Variants in U2SURP observed in about 807,000 individuals in gnomAD.
U2SURP encodes U2 snRNP-associated SURP motif-containing protein.
U2SURP carries 9 observed loss-of-function variants against 144.9 expected under a neutral mutation model. The observed-to-expected ratio is 0.06, with a 90% CI of 0.04 to 0.11. U2SURP has a LOEUF of 0.11. Ranked by LOEUF, U2SURP falls within the 10% of genes least tolerant of loss-of-function variation. U2SURP has a pLI of 1.00. For missense variants in U2SURP, 724 were observed against 1,226.7 expected (o/e 0.59, Z 6.12); for synonymous variants, 408 against 396.8 (o/e 1.03, Z -0.33).
intron 22 of U2SURP, among the ~76,000 whole-genome samples, 183 bp from the exon 23 acceptor site, chr3:143,038,711 T>C (rs1187944534): frequency 6.6e-6 from 1 of 152,026 alleles, no homozygotes; most frequent in East Asian, 1.9e-4. Flanking sequence ...ATTTGAATTA[T>C]ATTGTAGGTG....
At chr3:143,045,550 T>C (rs1934389578) in intron 24 of U2SURP, among the ~76,000 whole-genome samples, 1 of 152,228 alleles carries the variant, frequency 6.6e-6, no homozygotes, top group South Asian at 2.1e-4. Flanking sequence ...GGAAAGCATG[T>C]AATTTAGCTT....
chr3:143,011,174 G>A (rs1312048735), intron 2 of U2SURP, among the ~76,000 whole-genome samples: 3 of 151,976 alleles, frequency 2.0e-5, no homozygotes, highest in African/African-American at 4.8e-5. Context: ...CTTTCTCACC[G>A]CACAAAACAT....
At chr3:143,018,157 C>T (rs1196216809) in intron 6 of U2SURP, among the ~76,000 whole-genome samples, 1 of 152,112 alleles carries the variant, frequency 6.6e-6, no homozygotes, top group East Asian at 1.9e-4. Context: ...ATATTTTTAT[C>T]ACCCTAAAAA....
chr3:143,010,871 AGGCAATCTTT>A lies in U2SURP; in HGVS notation c.90+14_90+23del, dbSNP rs771388311. The A allele has an allele frequency of 6.3e-7, 1 of 1,598,698 alleles. No homozygotes were observed. The highest frequency in any genetic ancestry group is 1.3e-5 in the African/African-American group (1 of 74,720). ...CTTCAGATGCACATGTGAGTATAGAAGGCAATCTTTGTCTTTTTTCCTTTAAAATTTAACT... is the reference window on the plus strand; with the variant it reads ...CTTCAGATGCACATGTGAGTATAGAAGTCTTTTTTCCTTTAAAATTTAACT... On this transcript the variant is annotated intron_variant, in intron 2 of 27. Coordinates refer to ENST00000473835, the MANE Select transcript of U2SURP (RefSeq NM_001080415.2).
At chr3:143,013,098 T>TTG (rs1286631415) in intron 3 of U2SURP, among the ~76,000 whole-genome samples, 1 of 152,116 alleles carries the variant, frequency 6.6e-6, no homozygotes, top group Admixed American at 6.5e-5. Context: ...TTTTAAATGA[T>TTG]TGCTTATATT....
chr3:143,031,809 C>G (rs978905854), intron 16 of U2SURP, among the ~76,000 whole-genome samples: 1 of 152,176 alleles, frequency 6.6e-6, no homozygotes. Context: ...TGCATTGATT[C>G]ATTGCCTATG....
chr3:143,004,573 ACCCCC>A lies in U2SURP; in HGVS notation c.45+2908_45+2912del, dbSNP rs753834748. ...CATCTGTTGGCCTCTTGACCTTGTGACCCCCCCCCCCCGCCTCGGCCTCCCAAAGT... is the reference window on the plus strand; with the variant it reads ...CATCTGTTGGCCTCTTGACCTTGTGACCCCCCCGCCTCGGCCTCCCAAAGT... On this transcript the variant is annotated intron_variant, in intron 1 of 27. Transcript: ENST00000473835. Among the ~76,000 whole-genome samples, 40 of 48,568 alleles carry A rather than the reference ACCCCC, an allele frequency of 8.2e-4. 3 individuals carry two copies. Among genetic ancestry groups the A allele is most frequent in the Admixed American group, 1.3e-3 (5 of 3,896 alleles). 31.9% of individuals were successfully genotyped at this position (48,568 alleles called of 152,430 possible).
intron 23 of U2SURP, among the ~76,000 whole-genome samples, chr3:143,040,838 T>G (rs536506307): frequency 1.3e-5 from 2 of 151,948 alleles, no homozygotes; most frequent in East Asian, 1.9e-4. Context: ...TGGTTAAATG[T>G]TTAATGTTCA....
rs1195787141 is a variant in U2SURP at position 143,057,227 on chromosome 3, A to G, written c.*777A>G. ...TTAGGGGGAAATTAAATATCTTTTC[A>G]TTTCCTCTTCTATTATGAAAGAAGT... On this transcript the variant is annotated 3_prime_UTR_variant, in exon 28 of 28. Transcript: ENST00000473835. 2 of 152,404 alleles carry G rather than the reference A, an allele frequency of 1.3e-5. No homozygotes were observed. The highest frequency in any genetic ancestry group is 2.9e-5 in the Non-Finnish European group (2 of 67,874). 9.4% of individuals were successfully genotyped at this position (152,404 alleles called of 1,614,324 possible). A position where few individuals can be genotyped will look rare whatever the true frequency, so the allele number is the denominator to read the frequency against.
At chr3:143,035,557 T>C (rs534769898) in intron 19 of U2SURP, among the ~76,000 whole-genome samples, 135 of 152,286 alleles carry the variant, frequency 8.9e-4, no homozygotes, top group African/African-American at 3.2e-3. Context: ...TAAAGACAAG[T>C]TTCAGGAAGA....
chr3:143,007,662 T>C lies in U2SURP; in HGVS notation c.46-3153T>C, dbSNP rs569244208. ...TTTGCTGTGTTAGCCAGGATGGTCT[T>C]GATCTCCTCTGACTTTGTGATCCGC... is the stretch of plus-strand genomic sequence containing the variant. On this transcript the variant is annotated intron_variant, in intron 1 of 27. Transcript: ENST00000473835. Among the ~76,000 whole-genome samples, 210 of 152,204 alleles carry C rather than the reference T, an allele frequency of 1.4e-3. 1 individual carries two copies. The highest frequency in any genetic ancestry group is 3.6e-3 in the African/African-American group (149 of 41,536).
intron 23 of U2SURP, 145 bp from the exon 24 acceptor site, chr3:143,042,972 A>G: frequency 1.4e-6 from 1 of 715,572 alleles, no homozygotes; most frequent in South Asian, 4.1e-5. Context: ...ATATTTTGCA[A>G]AATATGCTTG....
Position 143,037,084 on chromosome 3 carries a change from G to A in U2SURP, c.2065-95G>A, listed in dbSNP as rs1000055500. 73 of 1,235,232 alleles carry A rather than the reference G, an allele frequency of 5.9e-5. No homozygotes were observed. In the African/African-American group the frequency reaches 1.1e-3, roughly 18 times the overall value. The allele number at this position is 1,235,232 out of a possible 1,614,324, so 76.5% of individuals were successfully genotyped here. On this transcript the variant is annotated intron_variant, in intron 20 of 27. Coordinates refer to ENST00000473835, the MANE Select transcript of U2SURP (RefSeq NM_001080415.2). ...TTGTACCTCAGATTGTGGGTATCCA[G>A]TTATGTTGGCTTGTACTGGATTACA...
intron 24 of U2SURP, among the ~76,000 whole-genome samples, chr3:143,049,075 C>G (rs1452167248): frequency 6.9e-6 from 1 of 145,190 alleles, no homozygotes; most frequent in Admixed American, 7.0e-5. Flanking sequence ...GCCAACATAG[C>G]GAAACCCTGT....
intron 1 of U2SURP, among the ~76,000 whole-genome samples, chr3:143,005,778 GTATCAT>G (rs1935799414): frequency 6.7e-6 from 1 of 150,358 alleles, no homozygotes; most frequent in Non-Finnish European, 1.5e-5. Context: ...GCCTTACTGG[GTATCAT>G]TGAGAGAAGA....
intron 24 of U2SURP, among the ~76,000 whole-genome samples, chr3:143,046,293 TTTTATTTTTTTTTATTTTTA>T (rs1317969163): frequency 3.4e-3 from 185 of 54,022 alleles, no homozygotes; most frequent in Non-Finnish European, 4.6e-3. Context: ...TTAGTTTATT[TTTTATTTTTTTTTATTTTTA>T]TTTTTTTATT....
intron 24 of U2SURP, 52 bp from the exon 25 acceptor site, chr3:143,050,887 T>G: frequency 7.8e-7 from 1 of 1,277,384 alleles, no homozygotes; most frequent in Non-Finnish European, 1.1e-6. Flanking sequence ...AAACAGTGCT[T>G]GAGAATCTAG....
chr3:143,024,151 G>T, intron 13 of U2SURP, 133 bp downstream of exon 13: 1 of 778,492 alleles, frequency 1.3e-6, no homozygotes, highest in Non-Finnish European at 2.1e-6. Context: ...TTTTGCGGGG[G>T]GATGTGTGAA....
intron 24 of U2SURP, among the ~76,000 whole-genome samples, chr3:143,047,100 C>A (rs1934528293): frequency 9.1e-6 from 1 of 110,480 alleles, no homozygotes; most frequent in Non-Finnish European, 1.8e-5. Flanking sequence ...AGAGGGGCTC[C>A]TCACTTCCCA....
Sources: allele counts gnomAD v4.1 joint callset (sites outside exome capture counted in the v4.1 genomes callset), GRCh38; gene constraint gnomAD v4.1.1; transcripts MANE v1.5; gene names NCBI Gene and HGNC (gene_info 2026-07-23, HGNC 2026-07-21).